RFX7: variants seen among roughly 807,000 people sequenced by gnomAD.
The protein encoded by RFX7 is regulatory factor X7.
RFX7 carries 26 observed loss-of-function variants against 111.8 expected under a neutral mutation model. That is an observed-to-expected ratio of 0.23 (90% CI 0.17 to 0.32). The LOEUF is 0.32. Ranked by LOEUF, RFX7 falls within the 10% of genes least tolerant of loss-of-function variation. The pLI is 1.00. For missense variants in RFX7, 1,573 were observed against 1,772.9 expected (o/e 0.89, Z 2.02); for synonymous variants, 624 against 624.4 (o/e 1.00, Z 0.01).
At chr15:56,105,844 G>A (rs1008158699) in intron 5 of RFX7, among the ~76,000 whole-genome samples, 3 of 152,112 alleles carry the variant, frequency 2.0e-5, no homozygotes, top group Admixed American at 6.6e-5. Context: ...AAAGGCTCAT[G>A]TTTTTAAAGA....
intron 2 of RFX7, among the ~76,000 whole-genome samples, chr15:56,193,758 T>C (rs1382213902): frequency 3.9e-5 from 6 of 152,122 alleles, no homozygotes; most frequent in East Asian, 1.9e-4. Flanking sequence ...AGATAAAAAT[T>C]TAAGCAACAG....
chr15:56,222,395 G>A (rs1220828913), intron 2 of RFX7, among the ~76,000 whole-genome samples: 1 of 152,134 alleles, frequency 6.6e-6, no homozygotes, highest in African/African-American at 2.4e-5. Flanking sequence ...CCAATGATAT[G>A]TGGGTTTTCT....
intron 3 of RFX7, among the ~76,000 whole-genome samples, chr15:56,146,407 T>A (rs2042472434): frequency 6.6e-6 from 1 of 152,098 alleles, no homozygotes; most frequent in Admixed American, 6.5e-5. Flanking sequence ...ATTATTAACA[T>A]CACCCACTTA....
intron 2 of RFX7, 62 bp downstream of exon 2, chr15:56,243,056 GCCCCCCA>G: frequency 1.9e-6 from 1 of 520,776 alleles, no homozygotes; most frequent in Non-Finnish European, 3.3e-6. Context: ...CCCGCCCGCC[GCCCCCCA>G]CCCACTTTGC....
chr15:56,196,233 T>C (rs1371844837), intron 2 of RFX7, among the ~76,000 whole-genome samples: 2 of 152,106 alleles, frequency 1.3e-5, no homozygotes, highest in African/African-American at 4.8e-5. Flanking sequence ...TTTTCCTTTT[T>C]TCTTTAAGGA....
At chr15:56,175,845 T>C (rs1284304595) in intron 3 of RFX7, among the ~76,000 whole-genome samples, 11 of 152,122 alleles carry the variant, frequency 7.2e-5, no homozygotes, top group African/African-American at 1.9e-4. Context: ...TGGCCAATCC[T>C]CCCTACAAAC....
At chr15:56,206,743 T>C (rs897215584) in intron 2 of RFX7, among the ~76,000 whole-genome samples, 1 of 147,020 alleles carries the variant, frequency 6.8e-6, no homozygotes, top group Admixed American at 6.8e-5. Context: ...ATAAGCCATG[T>C]ACAGAAAAAA....
intron 5 of RFX7, among the ~76,000 whole-genome samples, chr15:56,139,336 A>G (rs1032652568): frequency 3.1e-4 from 47 of 151,884 alleles, no homozygotes; most frequent in African/African-American, 1.0e-3. Flanking sequence ...TTTTTCTCTA[A>G]AATTCCCTTC....
At position 56,095,982 on chromosome 15, in the gene RFX7, A is replaced by C; in HGVS notation, c.1746T>G (p.Pro582=). 2 of 1,611,802 alleles carry C rather than the reference A, an allele frequency of 1.2e-6. No homozygotes were observed. The highest frequency in any genetic ancestry group is 1.1e-5 in the South Asian group (1 of 90,972). The change falls in exon 10 of 10, where the codon CCT becomes CCG. Residue 582 remains proline (P), a synonymous_variant. Transcript: ENST00000559447. ...TTATTTCAATGACACCTTCATTTGA[A>C]GGTTTCTGCAGTGCTCCGTCTGTAT... ...KSNTDGALQK[P]SNEGVIEIKA... is the part of the protein sequence containing the mutation.
At chr15:56,151,124 T>G (rs577179551) in intron 3 of RFX7, among the ~76,000 whole-genome samples, 40 of 152,128 alleles carry the variant, frequency 2.6e-4, no homozygotes, top group Non-Finnish European at 4.4e-4. Context: ...TGGAACTAAG[T>G]TGGAAAACAC....
chr15:56,239,548 T>C (rs1214356711), intron 2 of RFX7, among the ~76,000 whole-genome samples: 1 of 152,158 alleles, frequency 6.6e-6, no homozygotes, highest in African/African-American at 2.4e-5. Context: ...ATTACAGGTG[T>C]GAGCCACCGC....
At chr15:56,206,832 GAGA>G (rs369683596) in intron 2 of RFX7, among the ~76,000 whole-genome samples, 62 of 149,262 alleles carry the variant, frequency 4.2e-4, no homozygotes, top group Middle Eastern at 3.4e-3. Flanking sequence ...GTGAGAGAGA[GAGA>G]AGAAGGATGG....
chr15:56,092,148 G>A lies in RFX7; in HGVS notation c.*1197C>T, dbSNP rs1338875837. The stretch of plus-strand genomic sequence containing the variant: ...AATCCTGAGTTCTTCTTTTGCAATT[G>A]TGGTTATCACAATAAATAAATTAAG... On this transcript the variant is annotated 3_prime_UTR_variant, in exon 10 of 10. Coordinates refer to ENST00000559447, the MANE Select transcript of RFX7 (RefSeq NM_022841.7). 1 of 152,508 alleles carries A rather than the reference G, an allele frequency of 6.6e-6. No homozygotes were observed. The highest frequency in any genetic ancestry group is 1.5e-5 in the Non-Finnish European group (1 of 67,976). The allele number at this position is 152,508 out of a possible 1,614,324, so 9.4% of individuals were successfully genotyped here.
intron 3 of RFX7, among the ~76,000 whole-genome samples, chr15:56,155,852 AT>A (rs1190741719): frequency 6.6e-6 from 1 of 152,104 alleles, no homozygotes; most frequent in African/African-American, 2.4e-5. Flanking sequence ...TATTTAACTT[AT>A]TTTGAATTTC....
intron 5 of RFX7, among the ~76,000 whole-genome samples, chr15:56,129,748 T>C (rs1329547902): frequency 1.3e-5 from 2 of 152,216 alleles, no homozygotes; most frequent in African/African-American, 4.8e-5. Context: ...CATAAAGGTC[T>C]TGCAATGTCT....
chr15:56,189,590 A>G (rs928602051), intron 2 of RFX7, among the ~76,000 whole-genome samples: 1 of 152,356 alleles, frequency 6.6e-6, no homozygotes, highest in African/African-American at 2.4e-5. Context: ...CAACTGGAAT[A>G]GATATTTCAC....
intron 2 of RFX7, among the ~76,000 whole-genome samples, chr15:56,241,118 A>G (rs1282491226): frequency 2.0e-5 from 3 of 152,174 alleles, no homozygotes; most frequent in Non-Finnish European, 4.4e-5. Flanking sequence ...GTGTATCATT[A>G]CAATTTTAAA....
chr15:56,217,333 T>C (rs2043372850), intron 2 of RFX7, among the ~76,000 whole-genome samples: 1 of 152,124 alleles, frequency 6.6e-6, no homozygotes, highest in Non-Finnish European at 1.5e-5. Flanking sequence ...GCATTTTCCC[T>C]AATTATCTCA....
At chr15:56,161,428 G>A (rs1407819727) in intron 3 of RFX7, among the ~76,000 whole-genome samples, 4 of 152,038 alleles carry the variant, frequency 2.6e-5, no homozygotes, top group African/African-American at 9.7e-5. Flanking sequence ...TTAATATTGA[G>A]AAGTTTCTGC....
Sources: allele counts gnomAD v4.1 joint callset (sites outside exome capture counted in the v4.1 genomes callset), GRCh38; gene constraint gnomAD v4.1.1; transcripts MANE v1.5; gene names NCBI Gene and HGNC (gene_info 2026-07-23, HGNC 2026-07-21).